The following USP44 variants were observed in gnomAD, a reference collection of about 807,000 sequenced individuals.
The protein encoded by USP44 is ubiquitin specific peptidase 44, also known as ubiquitin carboxyl-terminal hydrolase 44.
A neutral mutation model predicts 69.0 loss-of-function variants in USP44; 61 were observed. The ratio of observed to expected loss-of-function variants is 0.88; its 90% CI spans 0.72 to 1.09. The LOEUF (loss-of-function observed/expected upper bound fraction) is 1.09, where lower values mean the gene tolerates loss of function less well. Among genes scored for constraint, USP44 ranks in the 50% least tolerant of loss-of-function variants. The pLI is 0.00. For missense variants in USP44, 753 were observed against 849.9 expected (o/e 0.89, Z 1.42); for synonymous variants, 297 against 295.4 (o/e 1.01, Z -0.06).
At chr12:95,540,129 ATCAGT>A (rs1565834515) in intron 1 of USP44, among the ~76,000 whole-genome samples, 9 of 152,148 alleles carry the variant, frequency 5.9e-5, no homozygotes. Flanking sequence ...AGGTTTGATC[ATCAGT>A]TCTAGACAGC....
intron 1 of USP44, among the ~76,000 whole-genome samples, chr12:95,543,998 C>A: frequency 2.8e-5 from 4 of 141,526 alleles, no homozygotes; most frequent in Admixed American, 2.2e-4. Flanking sequence ...AAGAAAAAAA[C>A]CCAAAACAAA....
intron 2 of USP44, among the ~76,000 whole-genome samples, chr12:95,530,207 T>C (rs1225919510): frequency 6.6e-6 from 1 of 152,172 alleles, no homozygotes; most frequent in Non-Finnish European, 1.5e-5. Context: ...ATTTCACAAA[T>C]TGACACAAAG....
At chr12:95,518,566 A>AGTAC (rs2076549862) in intron 5 of USP44, among the ~76,000 whole-genome samples, 1 of 152,202 alleles carries the variant, frequency 6.6e-6, no homozygotes, top group African/African-American at 2.4e-5. Context: ...GACTGATTAG[A>AGTAC]GTACCTGACA....
At chr12:95,541,448 G>A (rs768856589) in intron 1 of USP44, among the ~76,000 whole-genome samples, 2 of 151,962 alleles carry the variant, frequency 1.3e-5, no homozygotes, top group Non-Finnish European at 2.9e-5. Context: ...GCACAGTTGC[G>A]TGTGCCTATA....
In USP44 at chr12:95,517,101, T is replaced by G. The variant is rs574080763; in HGVS notation, c.*1053A>C. ...GTTTAGATAGATAGCTTTTAGTTTT[T>G]TTTTTTTTTTTTAATGCTCAGGGCC... On this transcript the variant is annotated 3_prime_UTR_variant, in exon 6 of 6. Coordinates refer to ENST00000258499, the MANE Select transcript of USP44 (RefSeq NM_032147.5). 9.9e-5 allele frequency: 15 copies of G among 151,896 alleles called. No homozygotes were observed. Among genetic ancestry groups the G allele is most frequent in the East Asian group, 3.9e-4 (2 of 5,172 alleles). The allele number at this position is 151,896 out of a possible 1,614,324, so 9.4% of individuals were successfully genotyped here.
chr12:95,548,658 G>A lies in USP44; in HGVS notation c.-71+2614C>T, dbSNP rs949333907. The A allele has an allele frequency of 6.6e-6, 1 of 152,168 alleles. No homozygotes were observed. Among genetic ancestry groups the A allele is most frequent in the Admixed American group, 6.5e-5 (1 of 15,268 alleles). The allele number at this position is 152,168 out of a possible 1,614,324, so 9.4% of individuals were successfully genotyped here. ...AGGACCCCCCAGCGCCCTGCGCGGC[G>A]AGAATAGGCCCCCAGGTGCCTCCCG... On this transcript the variant is annotated intron_variant, in intron 1 of 5. Coordinates refer to ENST00000258499, the MANE Select transcript of USP44 (RefSeq NM_032147.5). This position sits in a 1 kb window ranked among gnomAD's most constrained non-coding sequence, Gnocchi z 4.1.
At chr12:95,535,658 C>T (rs988727011) in intron 1 of USP44, among the ~76,000 whole-genome samples, 14 of 152,110 alleles carry the variant, frequency 9.2e-5, no homozygotes, top group African/African-American at 3.4e-4. Context: ...AAGTCAGGAA[C>T]ACTTCTGCTG....
intron 3 of USP44, among the ~76,000 whole-genome samples, chr12:95,525,812 C>T (rs1175558169): frequency 2.6e-5 from 4 of 152,216 alleles, no homozygotes; most frequent in Admixed American, 6.5e-5. Context: ...TCCTGATGTC[C>T]AGGAGCTATC....
chr12:95,522,128 A>G, intron 4 of USP44: 1 of 984,338 alleles, frequency 1.0e-6, no homozygotes. Flanking sequence ...CTACGAGGGG[A>G]AAATAATGTA....
At chr12:95,518,491 G>T in intron 5 of USP44, 138 bp from the exon 6 acceptor site, 1 of 856,608 alleles carries the variant, frequency 1.2e-6, no homozygotes, top group Non-Finnish European at 1.8e-6. Flanking sequence ...AATATAGATT[G>T]GGCAGTGTTA....
chr12:95,540,626 A>C (rs2077357031), intron 1 of USP44, among the ~76,000 whole-genome samples: 1 of 152,180 alleles, frequency 6.6e-6, no homozygotes, highest in African/African-American at 2.4e-5. Context: ...TAGAGGCGTG[A>C]GCCACCACAC....
chr12:95,530,646 TATAG>T (rs56051106), intron 2 of USP44, among the ~76,000 whole-genome samples: 14,297 of 147,350 alleles, frequency 0.097, 781 homozygotes, highest in Non-Finnish European at 0.13. Context: ...CTACTGGAAA[TATAG>T]ATAGATAGAT....
chr12:95,517,113 T>A lies in USP44; in HGVS notation c.*1041A>T, dbSNP rs76682695. On this transcript the variant is annotated 3_prime_UTR_variant, in exon 6 of 6. Coordinates refer to ENST00000258499, the MANE Select transcript of USP44 (RefSeq NM_032147.5). ...AGCTTTTAGTTTTTTTTTTTTTTTTTAATGCTCAGGGCCAGTGTTTTAAGA... is the reference window on the plus strand; with the variant it reads ...AGCTTTTAGTTTTTTTTTTTTTTTTAAATGCTCAGGGCCAGTGTTTTAAGA... 6.8e-6 allele frequency: 1 copy of A among 147,696 alleles called. No homozygotes were observed. Among genetic ancestry groups the A allele is most frequent in the African/African-American group, 2.6e-5 (1 of 39,096 alleles). The allele number at this position is 147,696 out of a possible 1,614,324, so 9.1% of individuals were successfully genotyped here.
intron 2 of USP44, among the ~76,000 whole-genome samples, chr12:95,531,517 C>G (rs2140282570): frequency 6.6e-6 from 1 of 152,236 alleles, no homozygotes; most frequent in South Asian, 2.1e-4. Context: ...ATATGTTGCA[C>G]TCTGTAACAG....
intron 3 of USP44, 21 bp downstream of exon 3, chr12:95,528,786 G>C (rs1461388126): frequency 6.2e-7 from 1 of 1,600,602 alleles, no homozygotes; most frequent in Non-Finnish European, 8.5e-7. Flanking sequence ...AAAGCACCAA[G>C]AACACAACGT....
chr12:95,522,515 C>T lies in USP44; in HGVS notation c.1734-1313G>A, dbSNP rs139693495. Among the ~76,000 whole-genome samples, 1,402 of 152,152 alleles carry T rather than the reference C, an allele frequency of 9.2e-3. 27 individuals carry two copies. Among genetic ancestry groups the T allele is most frequent in the African/African-American group, 0.032 (1,341 of 41,494 alleles). On this transcript the variant is annotated intron_variant, in intron 4 of 5. Transcript: ENST00000258499. ...TGTCTTGGTTGGCCGTGGTGGCTCA[C>T]GCCTGTAATCCCAGCACCTTGGGAG...
At chr12:95,545,405 A>G (rs952560823) in intron 1 of USP44, among the ~76,000 whole-genome samples, 2 of 152,218 alleles carry the variant, frequency 1.3e-5, no homozygotes, top group African/African-American at 4.8e-5. Context: ...CAAACCAAAC[A>G]GATCCTCTAC....
chr12:95,547,131 A>G (rs958613936), intron 1 of USP44: 2 of 152,232 alleles, frequency 1.3e-5, no homozygotes, highest in Admixed American at 1.3e-4. Flanking sequence ...TTTATCACTT[A>G]AAAATTTTTA....
At chr12:95,518,829 C>T (rs1172377676) in intron 5 of USP44, among the ~76,000 whole-genome samples, 1 of 152,068 alleles carries the variant, frequency 6.6e-6, no homozygotes, top group Non-Finnish European at 1.5e-5. Flanking sequence ...TTCCCAGCTA[C>T]TCAGGAGGCT....
Sources: allele counts gnomAD v4.1 joint callset (sites outside exome capture counted in the v4.1 genomes callset), GRCh38; gene constraint gnomAD v4.1.1; non-coding constraint Gnocchi (gnomAD v3.1); transcripts MANE v1.5; gene names NCBI Gene and HGNC (gene_info 2026-07-23, HGNC 2026-07-21).